Variants in ANKH observed in about 807,000 individuals in gnomAD.
The protein encoded by ANKH is mineralization regulator ANKH.
A neutral mutation model predicts 49.0 loss-of-function variants in ANKH; 15 were observed. That is an observed-to-expected ratio of 0.31 (90% CI 0.20 to 0.47). The LOEUF (loss-of-function observed/expected upper bound fraction) is 0.47, where lower values mean the gene tolerates loss of function less well. ANKH is among the 20% of genes least tolerant of loss of function. The probability of loss-of-function intolerance (pLI) is 1.00; values close to 1 mark genes in which losing one functional copy is unlikely to be tolerated. For missense variants in ANKH, 429 were observed against 652.0 expected (o/e 0.66, Z 3.72); for synonymous variants, 273 against 260.0 (o/e 1.05, Z -0.48).
chr5:14,778,564 C>A (rs969095693), intron 1 of ANKH, among the ~76,000 whole-genome samples: 3 of 152,176 alleles, frequency 2.0e-5, no homozygotes, highest in African/African-American at 7.2e-5. Context: ...CAGTTAAAAT[C>A]TCCGGCTGCA....
chr5:14,797,850 G>C, intron 1 of ANKH: 1 of 1,611,704 alleles, frequency 6.2e-7, no homozygotes, highest in South Asian at 1.1e-5. Context: ...TAGGTTCCAA[G>C]AAAGCCCATA....
chr5:14,710,318 T>C lies in ANKH; in HGVS notation c.*879A>G, dbSNP rs931532664. The C allele has an allele frequency of 6.6e-6, 1 of 152,338 alleles. No homozygotes were observed. The allele number at this position is 152,338 out of a possible 1,614,324, so 9.4% of individuals were successfully genotyped here. On this transcript the variant is annotated 3_prime_UTR_variant, in exon 12 of 12. Coordinates refer to ENST00000284268, the MANE Select transcript of ANKH (RefSeq NM_054027.6). ...AGTTAGGATGCTCCATGTGACTCGC[T>C]CTAATGCGACCTTCAGGAAAGGCGA...
intron 5 of ANKH, among the ~76,000 whole-genome samples, chr5:14,750,593 T>G (rs1021593485): frequency 1.3e-5 from 2 of 152,216 alleles, no homozygotes; most frequent in Non-Finnish European, 2.9e-5. Flanking sequence ...TGTGTTGCCC[T>G]ATGGTACCTA....
intron 1 of ANKH, among the ~76,000 whole-genome samples, chr5:14,858,626 A>G (rs894858273): frequency 4.6e-5 from 7 of 151,816 alleles, no homozygotes; most frequent in Admixed American, 6.6e-5. Context: ...TGAGGCAGGA[A>G]AATCGCTTAA....
chr5:14,815,719 A>G (rs140826799), intron 1 of ANKH, among the ~76,000 whole-genome samples: 1 of 152,384 alleles, frequency 6.6e-6, no homozygotes, highest in East Asian at 1.9e-4. Flanking sequence ...AGGAATGACA[A>G]TGTATACATA....
chr5:14,734,239 C>G (rs1580014671), intron 8 of ANKH, among the ~76,000 whole-genome samples: 2 of 150,714 alleles, frequency 1.3e-5, no homozygotes, highest in Admixed American at 1.3e-4. Flanking sequence ...AATCATTTTT[C>G]CCCCCAAACC....
chr5:14,825,286 T>C (rs144137826), intron 1 of ANKH, among the ~76,000 whole-genome samples: 1,715 of 152,348 alleles, frequency 0.011, 17 homozygotes, highest in Non-Finnish European at 0.017. Flanking sequence ...CAAAACTCTT[T>C]CTACTACTAT....
chr5:14,846,101 C>T (rs1441490992), intron 1 of ANKH, among the ~76,000 whole-genome samples: 2 of 152,224 alleles, frequency 1.3e-5, no homozygotes, highest in African/African-American at 4.8e-5. Flanking sequence ...AAGTGATCCG[C>T]CTGCCTCGGC....
chr5:14,814,272 T>C (rs1740968616), intron 1 of ANKH, among the ~76,000 whole-genome samples: 1 of 152,198 alleles, frequency 6.6e-6, no homozygotes, highest in African/African-American at 2.4e-5. Context: ...GTCATCAATG[T>C]ATCAGTTCAG....
At chr5:14,732,423 ACACCCCCCAC>A (rs1217598023) in intron 8 of ANKH, among the ~76,000 whole-genome samples, 1 of 152,052 alleles carries the variant, frequency 6.6e-6, no homozygotes, top group Non-Finnish European at 1.5e-5. Context: ...TAAAAAAACA[ACACCCCCCAC>A]CACCAAAACC....
intron 1 of ANKH, among the ~76,000 whole-genome samples, chr5:14,846,188 A>G (rs1398593258): frequency 6.6e-6 from 1 of 152,132 alleles, no homozygotes; most frequent in African/African-American, 2.4e-5. Flanking sequence ...CCAAATTCTA[A>G]TCTCTGAGCA....
chr5:14,750,914 T>C (rs1441037534), intron 5 of ANKH, among the ~76,000 whole-genome samples, 155 bp downstream of exon 5: 1 of 152,232 alleles, frequency 6.6e-6, no homozygotes, highest in South Asian at 2.1e-4. Context: ...TCCAACTGTC[T>C]TTCCCTGCAG....
chr5:14,735,437 G>GT (rs1404007429), intron 8 of ANKH, among the ~76,000 whole-genome samples: 5 of 152,178 alleles, frequency 3.3e-5, no homozygotes, highest in Non-Finnish European at 7.4e-5. Context: ...TAGAAGTCTG[G>GT]TTCATCAATC....
At chr5:14,801,829 GTGTCA>G (rs534925037) in intron 1 of ANKH, among the ~76,000 whole-genome samples, 87 of 152,308 alleles carry the variant, frequency 5.7e-4, no homozygotes, top group African/African-American at 2.0e-3. Flanking sequence ...AGACATCAGT[GTGTCA>G]TGAAAACAAT....
rs148797820 is a variant in ANKH at position 14,860,743 on chromosome 5, G to A, written c.96+10609C>T. Reference sequence around the variant, plus strand: ...CTCAAATACTCTCCTCCACTTAAACGTTATATATATTTTTATTTTATTATT... The same window carrying A: ...CTCAAATACTCTCCTCCACTTAAACATTATATATATTTTTATTTTATTATT... On this transcript the variant is annotated intron_variant, in intron 1 of 11. Coordinates refer to ENST00000284268, the MANE Select transcript of ANKH (RefSeq NM_054027.6). Among the ~76,000 whole-genome samples, 627 of 152,086 alleles carry A rather than the reference G, an allele frequency of 4.1e-3. 4 individuals are homozygous for A. The highest frequency in any genetic ancestry group is 0.032 in the South Asian group (156 of 4,818).
At chr5:14,727,323 G>A (rs949720746) in intron 8 of ANKH, among the ~76,000 whole-genome samples, 5 of 151,828 alleles carry the variant, frequency 3.3e-5, no homozygotes, top group Non-Finnish European at 2.9e-5. Context: ...GCATATTCAC[G>A]GTAAAAAATC....
At chr5:14,786,314 C>T (rs139566641) in intron 1 of ANKH, among the ~76,000 whole-genome samples, 2,046 of 152,196 alleles carry the variant, frequency 0.013, 43 homozygotes, top group African/African-American at 0.046. Context: ...AAACTATGTT[C>T]CTTGATGAGA....
chr5:14,717,948 T>G (rs1478169868), intron 8 of ANKH, among the ~76,000 whole-genome samples: 3 of 152,166 alleles, frequency 2.0e-5, no homozygotes, highest in Admixed American at 1.3e-4. Context: ...AATCTGTACA[T>G]GGAAAACGGG....
At chr5:14,864,975 C>T (rs965599355) in intron 1 of ANKH, among the ~76,000 whole-genome samples, 1 of 151,908 alleles carries the variant, frequency 6.6e-6, no homozygotes, top group African/African-American at 2.4e-5. Flanking sequence ...AAAAATAAAT[C>T]GGCGGCCAGG....
Sources: allele counts gnomAD v4.1 joint callset (sites outside exome capture counted in the v4.1 genomes callset), GRCh38; gene constraint gnomAD v4.1.1; transcripts MANE v1.5; gene names NCBI Gene and HGNC (gene_info 2026-07-23, HGNC 2026-07-21).